Variants in NKAIN3 observed in about 807,000 individuals in gnomAD.
The protein encoded by NKAIN3 is sodium/potassium transporting ATPase interacting 3.
Under a neutral mutation model 30.2 loss-of-function variants are expected in NKAIN3, and 25 were observed. The ratio of observed to expected loss-of-function variants is 0.83; its 90% CI spans 0.60 to 1.16. The LOEUF (loss-of-function observed/expected upper bound fraction) is 1.16. Ranked by LOEUF, NKAIN3 falls within the 50% of genes most tolerant of loss-of-function variation. The pLI, the probability that NKAIN3 is intolerant of heterozygous loss-of-function variation, is 0.00. For synonymous variants in NKAIN3, 91 were observed against 89.6 expected, an observed-to-expected ratio of 1.02 and a Z score of -0.09; for missense variants, 225 against 254.1, an observed-to-expected ratio of 0.89 and a Z score of 0.78.
chr8:62,306,095 G>A (rs1381913138), intron 1 of NKAIN3, among the ~76,000 whole-genome samples: 1 of 150,506 alleles, frequency 6.6e-6, no homozygotes, highest in Non-Finnish European at 1.5e-5. Flanking sequence ...TCAAGTATTA[G>A]TTGTACACCA....
intron 3 of NKAIN3, among the ~76,000 whole-genome samples, chr8:62,666,445 C>A (rs1813103715): frequency 1.3e-5 from 2 of 151,692 alleles, no homozygotes; most frequent in African/African-American, 4.8e-5. Flanking sequence ...TCTACGTAAC[C>A]AAAAAAAGTA....
intron 1 of NKAIN3, among the ~76,000 whole-genome samples, chr8:62,271,478 A>C (rs1384267773): frequency 1.3e-5 from 2 of 152,180 alleles, no homozygotes; most frequent in Non-Finnish European, 2.9e-5. Flanking sequence ...AGTATCAGGA[A>C]GTTTGCAGGG....
intron 2 of NKAIN3, 25 bp downstream of exon 2, chr8:62,579,701 C>T (rs758754070): frequency 3.7e-6 from 5 of 1,357,158 alleles, no homozygotes; most frequent in Non-Finnish European, 4.8e-6. Context: ...TATCATTTTG[C>T]TTCATATAAA....
At chr8:62,288,303 A>G (rs192015332) in intron 1 of NKAIN3, among the ~76,000 whole-genome samples, 112 of 152,268 alleles carry the variant, frequency 7.4e-4, no homozygotes, top group Admixed American at 2.2e-3. Flanking sequence ...CATGTTTGTT[A>G]CAAATGTATA....
chr8:62,622,854 CT>C, intron 3 of NKAIN3, among the ~76,000 whole-genome samples: 1 of 151,986 alleles, frequency 6.6e-6, no homozygotes, highest in African/African-American at 2.4e-5. Context: ...GCTCTAAATC[CT>C]GAAGATTTTC....
intron 3 of NKAIN3, among the ~76,000 whole-genome samples, chr8:62,616,741 C>T (rs1237503264): frequency 6.6e-6 from 1 of 152,124 alleles, no homozygotes; most frequent in Non-Finnish European, 1.5e-5. Context: ...AGTTCCAACC[C>T]TCTAATCATG....
Position 62,973,349 on chromosome 8 carries a change from T to C in NKAIN3, c.*7942T>C, listed in dbSNP as rs1823874138. 6.6e-6 allele frequency among the ~76,000 whole-genome samples: 1 copy of C among 152,236 alleles called. No homozygotes were observed. The highest frequency in any genetic ancestry group is 6.5e-5 in the Admixed American group (1 of 15,290). On this transcript the variant is annotated 3_prime_UTR_variant, in exon 7 of 7. Transcript: ENST00000623646. ...CCAGCCTCTGTTGTATCCTTTTTAATGATCGCCATTCTAACTGGTGTGAGG... is the reference window on the plus strand; with the variant it reads ...CCAGCCTCTGTTGTATCCTTTTTAACGATCGCCATTCTAACTGGTGTGAGG...
intron 6 of NKAIN3, among the ~76,000 whole-genome samples, chr8:62,962,374 G>A (rs1823592789): frequency 6.6e-6 from 1 of 152,160 alleles, no homozygotes; most frequent in Non-Finnish European, 1.5e-5. Flanking sequence ...CAAACCAATT[G>A]TAATGAGATA....
chr8:62,596,991 C>G (rs1242855927), intron 3 of NKAIN3, among the ~76,000 whole-genome samples: 1 of 152,028 alleles, frequency 6.6e-6, no homozygotes. Flanking sequence ...GTATGCCGTT[C>G]ACATCATGAG....
chr8:62,655,099 G>A (rs4738991), intron 3 of NKAIN3, among the ~76,000 whole-genome samples: 37,584 of 152,046 alleles, frequency 0.25, 4,957 homozygotes, highest in East Asian at 0.34. Context: ...TGTATAAGGG[G>A]TAAACAGAGG....
In NKAIN3 at chr8:62,620,420, G is replaced by T. The variant is rs575911376; in HGVS notation, c.273+30626G>T. On this transcript the variant is annotated intron_variant, in intron 3 of 6. Coordinates refer to ENST00000623646, the MANE Select transcript of NKAIN3 (RefSeq NM_001304533.3). ...GCTTAACAGATCCAATATGCCATAT[G>T]CCATATGCCATATGCCATATTTGGG... 2.0e-5 allele frequency among the ~76,000 whole-genome samples: 3 copies of T among 152,110 alleles called. No homozygotes were observed. The South Asian group carries it at 6.2e-4, about 32-fold the overall frequency.
chr8:62,438,964 G>T (rs1028330769), intron 1 of NKAIN3, among the ~76,000 whole-genome samples: 1 of 152,156 alleles, frequency 6.6e-6, no homozygotes, highest in Non-Finnish European at 1.5e-5. Flanking sequence ...CTGGTGTTGG[G>T]AAACTGGAAG....
At chr8:62,747,728 T>A (rs922279180) in intron 4 of NKAIN3, among the ~76,000 whole-genome samples, 3 of 152,206 alleles carry the variant, frequency 2.0e-5, no homozygotes, top group African/African-American at 7.2e-5. Context: ...CACTCACAGT[T>A]TGACCACAAT....
chr8:62,933,175 T>C (rs1822673871), intron 5 of NKAIN3, among the ~76,000 whole-genome samples: 1 of 152,086 alleles, frequency 6.6e-6, no homozygotes, highest in African/African-American at 2.4e-5. Context: ...CAGCAATTCA[T>C]AGAAAGGGAA....
intron 3 of NKAIN3, among the ~76,000 whole-genome samples, chr8:62,637,232 T>A (rs1009493497): frequency 1.3e-5 from 2 of 152,174 alleles, no homozygotes; most frequent in African/African-American, 2.4e-5. Context: ...TTGAAGAACA[T>A]CCCTGAGGCT....
chr8:62,507,856 G>GA (rs1398290221), intron 1 of NKAIN3, among the ~76,000 whole-genome samples: 2 of 152,192 alleles, frequency 1.3e-5, no homozygotes, highest in African/African-American at 4.8e-5. Flanking sequence ...AAAGGACACG[G>GA]AAAAAGAGAT....
At chr8:62,679,504 A>G (rs1813585582) in intron 3 of NKAIN3, among the ~76,000 whole-genome samples, 1 of 152,206 alleles carries the variant, frequency 6.6e-6, no homozygotes, top group Non-Finnish European at 1.5e-5. Context: ...CTATAAATAA[A>G]TATCTGAGAC....
intron 4 of NKAIN3, among the ~76,000 whole-genome samples, chr8:62,775,606 T>C (rs1313819727): frequency 6.6e-6 from 1 of 152,076 alleles, no homozygotes; most frequent in Non-Finnish European, 1.5e-5. Context: ...GTCATGTTCC[T>C]ACAATAATTT....
intron 1 of NKAIN3, among the ~76,000 whole-genome samples, chr8:62,268,997 T>A (rs1196856801): frequency 7.9e-5 from 12 of 152,166 alleles, no homozygotes; most frequent in Non-Finnish European, 1.5e-5. Flanking sequence ...CTCACTAAAA[T>A]GTGACCCTCT....
Sources: allele counts gnomAD v4.1 joint callset (sites outside exome capture counted in the v4.1 genomes callset), GRCh38; gene constraint gnomAD v4.1.1; transcripts MANE v1.5; gene names NCBI Gene and HGNC (gene_info 2026-07-23, HGNC 2026-07-21).